The following PDLIM5 variants were observed in gnomAD, a reference collection of about 807,000 sequenced individuals.
PDLIM5 encodes the protein PDZ and LIM domain protein 5.
PDLIM5 carries 34 observed loss-of-function variants against 64.2 expected under a neutral mutation model. The observed-to-expected ratio is 0.53, with a 90% CI of 0.40 to 0.71. The LOEUF is 0.71. Among genes scored for constraint, PDLIM5 ranks in the 30% least tolerant of loss-of-function variants. PDLIM5 has a pLI of 0.00. For synonymous variants in PDLIM5, 253 were observed against 269.1 expected, an observed-to-expected ratio of 0.94 and a Z score of 0.59; for missense variants, 683 against 733.6, an observed-to-expected ratio of 0.93 and a Z score of 0.80.
At chr4:94,537,883 A>G (rs971855079) in intron 3 of PDLIM5, among the ~76,000 whole-genome samples, 2 of 152,162 alleles carry the variant, frequency 1.3e-5, no homozygotes, top group Admixed American at 6.6e-5. Flanking sequence ...ATTTTAAAGT[A>G]TTTTTATTGC....
chr4:94,540,136 T>C (rs1404032422), intron 3 of PDLIM5, among the ~76,000 whole-genome samples: 2 of 149,604 alleles, frequency 1.3e-5, no homozygotes, highest in African/African-American at 2.4e-5. Flanking sequence ...ATTCTTCTTT[T>C]TTTTTTTTTT....
chr4:94,496,332 T>A (rs1415167981), intron 2 of PDLIM5, among the ~76,000 whole-genome samples: 1 of 152,216 alleles, frequency 6.6e-6, no homozygotes, highest in Non-Finnish European at 1.5e-5. Context: ...TACAAGATTT[T>A]TTCCAAGTGA....
At chr4:94,560,380 G>T (rs1733728680) in intron 3 of PDLIM5, among the ~76,000 whole-genome samples, 1 of 151,964 alleles carries the variant, frequency 6.6e-6, no homozygotes, top group African/African-American at 2.4e-5. Context: ...TGGATAATTT[G>T]GACCTGAATT....
rs371711870 is a variant in PDLIM5 at position 94,611,516 on chromosome 4, A to G, written c.921-6488A>G. ...TGTCTTTCATTGCATGGATATAGCTATATTAGAATCCTCAAATGTTTGGTA... is the reference window on the plus strand; with the variant it reads ...TGTCTTTCATTGCATGGATATAGCTGTATTAGAATCCTCAAATGTTTGGTA... On this transcript the variant is annotated intron_variant, in intron 7 of 12. Coordinates refer to ENST00000317968, the MANE Select transcript of PDLIM5 (RefSeq NM_006457.5). 1.1e-4 allele frequency among the ~76,000 whole-genome samples: 17 copies of G among 152,376 alleles called. 1 individual carries two copies. Among genetic ancestry groups the G allele is most frequent in the African/African-American group, 4.1e-4 (17 of 41,594 alleles).
chr4:94,582,704 A>T (rs1321042146), intron 5 of PDLIM5: 1 of 1,567,930 alleles, frequency 6.4e-7, no homozygotes, highest in Non-Finnish European at 8.8e-7. Flanking sequence ...TGTGTGTGTT[A>T]TTCTTCCCTC....
Position 94,665,928 on chromosome 4 carries a change from A to G in PDLIM5, c.*1861A>G, listed in dbSNP as rs1382007821. On this transcript the variant is annotated 3_prime_UTR_variant, in exon 13 of 13. Transcript: ENST00000317968. ...AATTATGTAGATACCACATGGAGAC[A>G]GGGAAACAATTGTGGTAAAACTGTG... is the stretch of plus-strand genomic sequence containing the variant. 3 of 1,506,652 alleles carry G rather than the reference A, an allele frequency of 2.0e-6. No individual in the cohort carries two copies. The highest frequency in any genetic ancestry group is 2.8e-5 in the African/African-American group (2 of 71,786). 93.3% of individuals were successfully genotyped at this position (1,506,652 alleles called of 1,614,324 possible).
At chr4:94,645,383 A>C (rs1741334401) in intron 9 of PDLIM5, among the ~76,000 whole-genome samples, 1 of 152,204 alleles carries the variant, frequency 6.6e-6, no homozygotes, top group Non-Finnish European at 1.5e-5. Flanking sequence ...ATGCATGTGC[A>C]AGTATCTTTT....
At chr4:94,556,962 C>T (rs962586431) in intron 3 of PDLIM5, among the ~76,000 whole-genome samples, 3 of 152,162 alleles carry the variant, frequency 2.0e-5, no homozygotes, top group Non-Finnish European at 2.9e-5. Context: ...TTGGTGTTTT[C>T]GTCAGGAAGT....
At chr4:94,494,429 C>CTTGGTTTTTTTTT (rs1727157489) in intron 2 of PDLIM5, among the ~76,000 whole-genome samples, 1 of 51,596 alleles carries the variant, frequency 1.9e-5, no homozygotes, top group Non-Finnish European at 4.5e-5. Flanking sequence ...TTTTTTTTTT[C>CTTGGTTTTTTTTT]TTGTTTTTTT....
intron 5 of PDLIM5, chr4:94,583,114 T>C (rs1735870293): frequency 1.3e-5 from 2 of 156,402 alleles, no homozygotes; most frequent in Admixed American, 1.3e-4. Context: ...ATATCCCAAA[T>C]GCATTTTTTA....
At chr4:94,517,203 A>G (rs2110118766) in intron 2 of PDLIM5, among the ~76,000 whole-genome samples, 1 of 152,314 alleles carries the variant, frequency 6.6e-6, no homozygotes, top group South Asian at 2.1e-4. Context: ...TTGGCAGGAA[A>G]GCAAGTTCTG....
intron 2 of PDLIM5, among the ~76,000 whole-genome samples, chr4:94,508,592 C>T (rs964509346): frequency 1.3e-5 from 2 of 152,128 alleles, no homozygotes; most frequent in Non-Finnish European, 2.9e-5. Context: ...AGAAAATGCA[C>T]TGATAGGAGG....
At chr4:94,521,729 A>AT (rs1027686339) in intron 2 of PDLIM5, among the ~76,000 whole-genome samples, 2 of 152,008 alleles carry the variant, frequency 1.3e-5, no homozygotes, top group African/African-American at 4.8e-5. Context: ...AACTAGGAGT[A>AT]TTTAAGTTGC....
At chr4:94,523,961 A>T (rs1730095426) in intron 3 of PDLIM5, 86 bp downstream of exon 3, 1 of 891,396 alleles carries the variant, frequency 1.1e-6, no homozygotes, top group East Asian at 2.4e-5. Context: ...GTTAACTAAG[A>T]CTCAGTTTCT....
chr4:94,592,672 G>T (rs1297111195), intron 7 of PDLIM5, among the ~76,000 whole-genome samples: 1 of 152,134 alleles, frequency 6.6e-6, no homozygotes, highest in Non-Finnish European at 1.5e-5. Flanking sequence ...TTGTCACCCA[G>T]GCTAGAGTGC....
Position 94,507,963 on chromosome 4 carries a change from T to C in PDLIM5, c.97-15761T>C, listed in dbSNP as rs114713897. Among the ~76,000 whole-genome samples, 657 of 152,326 alleles carry C rather than the reference T, an allele frequency of 4.3e-3. 2 individuals are homozygous for C. Among genetic ancestry groups the C allele is most frequent in the Non-Finnish European group, 7.3e-3 (498 of 68,032 alleles). The stretch of plus-strand genomic sequence containing the variant: ...AACTGGGAACAGTGACATTGCTTAA[T>C]AGATTTTTCCCTAACTGCTGTCAGC... On this transcript the variant is annotated intron_variant, in intron 2 of 12. Coordinates refer to ENST00000317968, the MANE Select transcript of PDLIM5 (RefSeq NM_006457.5).
chr4:94,602,042 A>C (rs1438529667), intron 7 of PDLIM5, among the ~76,000 whole-genome samples: 1 of 152,234 alleles, frequency 6.6e-6, no homozygotes, highest in Non-Finnish European at 1.5e-5. Context: ...GATATATTCT[A>C]GTTTCTGCTT....
intron 2 of PDLIM5, among the ~76,000 whole-genome samples, chr4:94,502,308 T>C (rs558896976): frequency 3.3e-5 from 5 of 152,246 alleles, no homozygotes; most frequent in African/African-American, 1.2e-4. Context: ...GAAGAACAGA[T>C]AGTGAGATTG....
rs373590898 is a variant in PDLIM5, at chr4:94,644,744, T to C, written c.1283+4294T>C. 2.6e-3 allele frequency among the ~76,000 whole-genome samples: 399 copies of C among 152,152 alleles called. 4 individuals carry two copies. The highest frequency in any genetic ancestry group is 9.1e-3 in the African/African-American group (379 of 41,512). On this transcript the variant is annotated intron_variant, in intron 9 of 12. Coordinates refer to ENST00000317968, the MANE Select transcript of PDLIM5 (RefSeq NM_006457.5). ...TTTTAGTACAGATGGGATTTCACCA[T>C]GTTAACCAGGATGGTCTTGATCTCC...
Sources: gnomAD v4.1 joint callset for allele counts (sites outside exome capture counted in the v4.1 genomes callset) on GRCh38, gnomAD v4.1.1 for gene constraint, MANE v1.5 for transcripts, NCBI Gene and HGNC (gene_info 2026-07-23, HGNC 2026-07-21) for gene names.